The following PCDHB3 variants were observed in gnomAD, a reference collection of about 807,000 sequenced individuals.
PCDHB3 encodes protocadherin beta 3.
For synonymous variants in PCDHB3, 479 were observed against 456.0 expected (o/e 1.05, Z -0.64); for missense variants, 967 against 1,012.1 (o/e 0.96, Z 0.60).
In PCDHB3 at chr5:141,103,188, G is replaced by A. The variant is rs1554272755; in HGVS notation, c.*148G>A. ...AATATCAAATCCAGGGATGGCTTAGGTTTCATTAACAGTACTGGAAAGTAG... is the reference window on the plus strand; with the variant it reads ...AATATCAAATCCAGGGATGGCTTAGATTTCATTAACAGTACTGGAAAGTAG... On this transcript the variant is annotated 3_prime_UTR_variant, in exon 1 of 1. Transcript: ENST00000231130. The A allele has an allele frequency of 1.2e-5, 11 of 890,840 alleles. No individual in the cohort carries two copies. Among genetic ancestry groups the A allele is most frequent in the Non-Finnish European group, 1.4e-5 (8 of 585,280 alleles). The allele number at this position is 890,840 out of a possible 1,614,324, so 55.2% of individuals were successfully genotyped here. A position where few individuals can be genotyped will look rare whatever the true frequency, so the allele number is the denominator to read the frequency against.
In PCDHB3 at chr5:141,103,731, C is replaced by A. The variant is rs982225970; in HGVS notation, c.*691C>A. On this transcript the variant is annotated 3_prime_UTR_variant, in exon 1 of 1. Transcript: ENST00000231130. ...GTGCTTATATTGGCCAAAATATGGA[C>A]ACAAATATAGACTAATATGGGTAAT... The A allele has an allele frequency of 2.0e-5, 3 of 152,064 alleles. No homozygotes were observed. Among genetic ancestry groups the A allele is most frequent in the African/African-American group, 4.8e-5 (2 of 41,390 alleles). The allele number at this position is 152,064 out of a possible 1,614,324, so 9.4% of individuals were successfully genotyped here.
At position 141,102,626 on chromosome 5, in the gene PCDHB3, T is replaced by A. The variant is rs2907331; in HGVS notation, c.1977T>A (p.His659Gln). The change falls in exon 1 of 1, where the codon CAT (histidine) becomes CAA (glutamine). Residue 659 changes from histidine (H) to glutamine (Q), a missense_variant. Physicochemically the swap from His to Gln is conservative, Grantham distance 24. Coordinates refer to ENST00000231130, the MANE Select transcript of PCDHB3 (RefSeq NM_018937.5). ...CGCGCTCGGCCACCGCCACGCTGCATGTGCTCCTGGTGGACGGCTTCTCCC... is the reference window on the plus strand; with the variant it reads ...CGCGCTCGGCCACCGCCACGCTGCAAGTGCTCCTGGTGGACGGCTTCTCCC... ...EPPRSATATL[H>Q]VLLVDGFSQP... The A allele has an allele frequency of 7.1e-5, 114 of 1,604,376 alleles. 1 individual carries two copies. The African/African-American group carries it at 7.4e-4, about 10-fold the overall frequency.
rs199936692 is a variant in PCDHB3, at chr5:141,101,179, A to C, written c.530A>C (p.His177Pro). 51 of 1,614,170 alleles carry C rather than the reference A, an allele frequency of 3.2e-5. No homozygotes were observed. In the East Asian group the frequency reaches 1.1e-3, roughly 34 times the overall value. ...LQNYTITPNS[H>P]FHVLTRSRRD... ...AACTACACTATCACTCCGAATTCCC[A>C]CTTCCACGTACTCACTCGCAGTCGT... is the stretch of plus-strand genomic sequence containing the variant. Residue 177 changes from histidine (H) to proline (P), a missense_variant, in exon 1 of 1, where the codon CAC (histidine) becomes CCC (proline). By Grantham distance (77) the His-to-Pro change is moderately conservative. Coordinates refer to ENST00000231130, the MANE Select transcript of PCDHB3 (RefSeq NM_018937.5).
rs782769516 is a variant in PCDHB3 at position 141,102,314 on chromosome 5, C to T, written c.1665C>T (p.Asn555=). The T allele has an allele frequency of 3.1e-6, 5 of 1,611,504 alleles. No individual in the cohort carries two copies. In the South Asian group the frequency reaches 4.4e-5, roughly 14 times the overall value. The change falls in exon 1 of 1, where the codon AAC becomes AAT. Residue 555 remains asparagine (N), a synonymous_variant. Transcript: ENST00000231130. Reference sequence around the variant, plus strand: ...TGCGCGTGCTGGTGCTGGACGCCAACGACAACTCGCCCTTCGTGCTGTACC... The same window carrying T: ...TGCGCGTGCTGGTGCTGGACGCCAATGACAACTCGCCCTTCGTGCTGTACC... ...ALVRVLVLDA[N]DNSPFVLYPL...
chr5:141,100,755 G>A lies in PCDHB3; in HGVS notation c.106G>A (p.Ala36Thr). The A allele has an allele frequency of 6.2e-7, 1 of 1,614,138 alleles. No individual in the cohort carries two copies. The highest frequency in any genetic ancestry group is 2.2e-5 in the East Asian group (1 of 44,890). ...GTCCGAGTCAAGACGCTATTCTGTG[G>A]CTGAGGAAAAAGAGAAGGGCTTTTT... ...AGSESRRYSV[A>T]EEKEKGFLIA... The change falls in exon 1 of 1, where the codon GCT becomes ACT. Residue 36 changes from alanine to threonine, a missense_variant. Ala to Thr is a moderately conservative substitution (Grantham distance 58). Transcript: ENST00000231130.
At position 141,101,323 on chromosome 5, in the gene PCDHB3, C is replaced by G; in HGVS notation, c.674C>G (p.Thr225Arg). 1 of 1,614,040 alleles carries G rather than the reference C, an allele frequency of 6.2e-7. No homozygotes were observed. The highest frequency in any genetic ancestry group is 8.5e-7 in the Non-Finnish European group (1 of 1,180,008). The change falls in exon 1 of 1, where the codon ACA becomes AGA. Residue 225 changes from threonine (T) to arginine (R), a missense_variant. By Grantham distance (71) the Thr-to-Arg change is moderately conservative. Coordinates refer to ENST00000231130, the MANE Select transcript of PCDHB3 (RefSeq NM_018937.5). ...GGCGGCTCTCCCCCTCGGTCTGGGA[C>G]AGCCCAGATAAACATCCAGGTCTTA... ...LDGGSPPRSG[T>R]AQINIQVLDI... is the part of the protein sequence containing the mutation.
rs781973566 is a variant in PCDHB3, at chr5:141,101,201, T to C, written c.552T>C (p.Ser184=). The C allele has an allele frequency of 6.2e-7, 1 of 1,614,162 alleles. No individual in the cohort carries two copies. Among genetic ancestry groups the C allele is most frequent in the East Asian group, 2.2e-5 (1 of 44,872 alleles). Residue 184 remains serine, a synonymous_variant, in exon 1 of 1, where the codon AGT becomes AGC. Coordinates refer to ENST00000231130, the MANE Select transcript of PCDHB3 (RefSeq NM_018937.5). ...CCCACTTCCACGTACTCACTCGCAG[T>C]CGTAGGGACGGAAGGAAGTACCCGG... ...PNSHFHVLTR[S]RRDGRKYPEL...
rs782293477 is a variant in PCDHB3 at position 141,102,990 on chromosome 5, A to C, written c.2341A>C (p.Arg781=). 6.2e-7 allele frequency: 1 copy of C among 1,603,314 alleles called. No homozygotes were observed. Among genetic ancestry groups the C allele is most frequent in the African/African-American group, 1.3e-5 (1 of 74,764 alleles). ...CAACTTCGTTGCTCAGGGTGCAGAG[A>C]GGGTTAGCGAGGCAAATCCCAGTTT... The part of the protein sequence containing the change: ...IPNFVAQGAE[R]VSEANPSFRK... The change falls in exon 1 of 1, where the codon AGG becomes CGG. Residue 781 remains arginine (R), a synonymous_variant. Coordinates refer to ENST00000231130, the MANE Select transcript of PCDHB3 (RefSeq NM_018937.5).
rs1223652418 is a variant in PCDHB3 at position 141,101,784 on chromosome 5, G to GAA, written c.1135_1136insAA (p.Gly379GlufsTer4). 5.6e-6 allele frequency: 9 copies of GAA among 1,614,022 alleles called. No homozygotes were observed. Among genetic ancestry groups the GAA allele is most frequent in the Non-Finnish European group, 6.8e-6 (8 of 1,180,000 alleles). ...TTCTGATCTAGACTCTGGAGACAAC[G>GAA]GAAGAGTGATGTGTTCCATTGAGAA... On this transcript the variant is annotated frameshift_variant, in exon 1 of 1. Coordinates refer to ENST00000231130, the MANE Select transcript of PCDHB3 (RefSeq NM_018937.5). LOFTEE classifies it low-confidence loss of function (END_TRUNC).
rs782153917 is a variant in PCDHB3, at chr5:141,103,038, T to G, written c.2389T>G (p.Ter797GluextTer7). The change falls in exon 1 of 1, where the codon TAA (stop) becomes GAA (glutamate). Residue 797 changes from the stop codon to glutamate, a stop_lost. Transcript: ENST00000231130. Reference sequence around the variant, plus strand: ...TTTCAGGAAGAGCTTTGAATTCAGTTAAGTGTTAATAAGGATCTACTGAGC... The same window carrying G: ...TTTCAGGAAGAGCTTTGAATTCAGTGAAGTGTTAATAAGGATCTACTGAGC... ...PSFRKSFEFS[*>E] is the part of the protein sequence containing the mutation. The G allele has an allele frequency of 2.3e-5, 37 of 1,603,952 alleles. No homozygotes were observed. Among genetic ancestry groups the G allele is most frequent in the Middle Eastern group, 1.7e-4 (1 of 6,000 alleles).
At position 141,102,755 on chromosome 5, in the gene PCDHB3, C is replaced by G. The variant is rs1338660161; in HGVS notation, c.2106C>G (p.Leu702=). The G allele has an allele frequency of 1.2e-6, 2 of 1,612,256 alleles. No homozygotes were observed. Among genetic ancestry groups the G allele is most frequent in the Non-Finnish European group, 8.5e-7 (1 of 1,179,726 alleles). ...TGGCCTCGGTGTCTTCGCTCTTCCT[C>G]TTTTCGGTGCTCCTGTTCGTGGCGG... The part of the protein sequence containing the change: ...VALASVSSLF[L]FSVLLFVAVR... Residue 702 remains leucine (L), a synonymous_variant, in exon 1 of 1, where the codon CTC becomes CTG. Transcript: ENST00000231130.
Position 141,101,357 on chromosome 5 carries a change from C to T in PCDHB3, c.708C>T (p.Asn236=), listed in dbSNP as rs782533944. The change falls in exon 1 of 1, where the codon AAC becomes AAT. Residue 236 remains asparagine (N), a synonymous_variant. Transcript: ENST00000231130. The stretch of plus-strand genomic sequence containing the variant: ...TAAACATCCAGGTCTTAGATATAAA[C>T]GACAATGCACCAGAATTTGCACAGC... ...AQINIQVLDI[N]DNAPEFAQPL... The T allele has an allele frequency of 1.1e-5, 17 of 1,613,970 alleles. No individual in the cohort carries two copies. In the South Asian group the frequency reaches 1.4e-4, roughly 14 times the overall value.
In PCDHB3 at chr5:141,102,760, C is replaced by T; in HGVS notation, c.2111C>T (p.Ser704Leu). Reference sequence around the variant, plus strand: ...TCGGTGTCTTCGCTCTTCCTCTTTTCGGTGCTCCTGTTCGTGGCGGTGCGG... The same window carrying T: ...TCGGTGTCTTCGCTCTTCCTCTTTTTGGTGCTCCTGTTCGTGGCGGTGCGG... ...LASVSSLFLFSVLLFVAVRLC... is the reference protein window; with the variant it reads ...LASVSSLFLFLVLLFVAVRLC... Residue 704 changes from serine (S) to leucine (L), a missense_variant, in exon 1 of 1, where the codon TCG becomes TTG. Ser to Leu is a moderately radical substitution (Grantham distance 145). Coordinates refer to ENST00000231130, the MANE Select transcript of PCDHB3 (RefSeq NM_018937.5). The T allele has an allele frequency of 6.2e-7, 1 of 1,612,124 alleles. No homozygotes were observed. The highest frequency in any genetic ancestry group is 8.5e-7 in the Non-Finnish European group (1 of 1,179,716).
At position 141,102,506 on chromosome 5, in the gene PCDHB3, G is replaced by T. The variant is rs75353669; in HGVS notation, c.1857G>T (p.Ala619=). Residue 619 remains alanine, a synonymous_variant, in exon 1 of 1, where the codon GCG becomes GCT. Transcript: ENST00000231130. ...ATEPGLFGVW[A]HNGEVRTARL... is the part of the protein sequence containing the mutation. ...AGCCCGGGCTGTTCGGCGTGTGGGC[G>T]CACAATGGCGAAGTGCGCACCGCCA... The T allele has an allele frequency of 5.6e-6, 9 of 1,608,610 alleles. No homozygotes were observed. The highest frequency in any genetic ancestry group is 1.1e-5 in the South Asian group (1 of 90,944).
rs1554272191 is a variant in PCDHB3 at position 141,101,104 on chromosome 5, T to C, written c.455T>C (p.Ile152Thr). 8 of 1,614,172 alleles carry C rather than the reference T, an allele frequency of 5.0e-6. No homozygotes were observed. The highest frequency in any genetic ancestry group is 6.8e-6 in the Non-Finnish European group (8 of 1,180,032). Residue 152 changes from isoleucine (I) to threonine (T), a missense_variant, in exon 1 of 1, where the codon ATT becomes ACT. Physicochemically the swap from Ile to Thr is moderately conservative, Grantham distance 89. Coordinates refer to ENST00000231130, the MANE Select transcript of PCDHB3 (RefSeq NM_018937.5). ...ILESTLPGTVIPLGNAEDLDV... is the reference protein window; with the variant it reads ...ILESTLPGTVTPLGNAEDLDV... ...GAAAGCACTCTGCCAGGAACAGTAA[T>C]TCCTTTGGGAAATGCTGAGGACTTG...
chr5:141,102,407 G>T lies in PCDHB3; in HGVS notation c.1758G>T (p.Val586=), dbSNP rs781892193. Residue 586 remains valine (V), a synonymous_variant, in exon 1 of 1, where the codon GTG becomes GTT. Transcript: ENST00000231130. The stretch of plus-strand genomic sequence containing the variant: ...GGGCGGCTGAGCCGGGCTACCTGGT[G>T]ACCAAGGTGGTGGCGGTGGACGGCG... The part of the protein sequence containing the change: ...VPRAAEPGYL[V]TKVVAVDGDS... 3 of 1,610,956 alleles carry T rather than the reference G, an allele frequency of 1.9e-6. No homozygotes were observed. In the South Asian group the frequency reaches 3.3e-5, roughly 18 times the overall value.
rs1328469043 is a variant in PCDHB3, at chr5:141,101,215, G to A, written c.566G>A (p.Arg189Lys). Residue 189 changes from arginine (R) to lysine (K), a missense_variant, in exon 1 of 1, where the codon AGG becomes AAG. Arg to Lys is a conservative substitution (Grantham distance 26). Coordinates refer to ENST00000231130, the MANE Select transcript of PCDHB3 (RefSeq NM_018937.5). ...HVLTRSRRDG[R>K]KYPELVLDKA... Reference sequence around the variant, plus strand: ...CTCACTCGCAGTCGTAGGGACGGAAGGAAGTACCCGGAACTAGTACTGGAT... The same window carrying A: ...CTCACTCGCAGTCGTAGGGACGGAAAGAAGTACCCGGAACTAGTACTGGAT... The A allele has an allele frequency of 2.5e-6, 4 of 1,614,072 alleles. No individual in the cohort carries two copies. The highest frequency in any genetic ancestry group is 2.7e-5 in the African/African-American group (2 of 74,942).
In PCDHB3 at chr5:141,102,312, A is replaced by G. The variant is rs1290594542; in HGVS notation, c.1663A>G (p.Asn555Asp). 6.2e-7 allele frequency: 1 copy of G among 1,611,478 alleles called. No homozygotes were observed. The highest frequency in any genetic ancestry group is 8.5e-7 in the Non-Finnish European group (1 of 1,179,684). Residue 555 changes from asparagine (N) to aspartate (D), a missense_variant, in exon 1 of 1, where the codon AAC (asparagine) becomes GAC (aspartate). By Grantham distance (23) the Asn-to-Asp change is conservative. Coordinates refer to ENST00000231130, the MANE Select transcript of PCDHB3 (RefSeq NM_018937.5). ...ALVRVLVLDANDNSPFVLYPL... is the reference protein window; with the variant it reads ...ALVRVLVLDADDNSPFVLYPL... Reference sequence around the variant, plus strand: ...GGTGCGCGTGCTGGTGCTGGACGCCAACGACAACTCGCCCTTCGTGCTGTA... The same window carrying G: ...GGTGCGCGTGCTGGTGCTGGACGCCGACGACAACTCGCCCTTCGTGCTGTA...
Position 141,103,528 on chromosome 5 carries a change from T to C in PCDHB3, c.*488T>C, listed in dbSNP as rs1266482388. On this transcript the variant is annotated 3_prime_UTR_variant, in exon 1 of 1. Transcript: ENST00000231130. ...TTGTTGAATATATTCATATAATGTG[T>C]TCTATAATATGCCCAAAGCAGCTTT... 3 of 152,798 alleles carry C rather than the reference T, an allele frequency of 2.0e-5. No homozygotes were observed. The highest frequency in any genetic ancestry group is 2.0e-4 in the Admixed American group (3 of 15,344). The allele number at this position is 152,798 out of a possible 1,614,324, so 9.5% of individuals were successfully genotyped here. A position where few individuals can be genotyped will look rare whatever the true frequency, so the allele number is the denominator to read the frequency against.
Sources: gnomAD v4.1 joint callset for allele counts on GRCh38, gnomAD v4.1.1 for gene constraint, MANE v1.5 for transcripts, NCBI Gene and HGNC (gene_info 2026-07-23, HGNC 2026-07-21) for gene names.